Variants in ABHD2 observed in about 807,000 individuals in gnomAD.
ABHD2 encodes abhydrolase domain containing 2, acylglycerol lipase.
In ABHD2, 20 loss-of-function variants were observed where a neutral mutation model predicts 48.1. The observed-to-expected ratio is 0.42, with a 90% confidence interval of 0.29 to 0.60. The LOEUF (loss-of-function observed/expected upper bound fraction) is 0.60. Ranked by LOEUF, ABHD2 falls within the 20% of genes least tolerant of loss-of-function variation. The pLI is 0.24. For synonymous variants in ABHD2, 209 were observed against 214.2 expected, an observed-to-expected ratio of 0.98 and a Z score of 0.21; for missense variants, 405 against 550.9, an observed-to-expected ratio of 0.74 and a Z score of 2.65.
chr15:89,062,461 G>C, the ABHD2 span, among the ~76,000 whole-genome samples: 1 of 151,912 alleles, frequency 6.6e-6, no homozygotes. Context: ...CTTGGCTCAC[G>C]GTAGCCTTGA....
chr15:89,057,134 G>T, the ABHD2 span, among the ~76,000 whole-genome samples: 1 of 152,016 alleles, frequency 6.6e-6, no homozygotes, highest in Non-Finnish European at 1.5e-5. Flanking sequence ...GGCTGGTCTT[G>T]AACTCCTGAC....
chr15:89,139,799 G>A (rs987495882), intron 3 of ABHD2, among the ~76,000 whole-genome samples: 1 of 152,096 alleles, frequency 6.6e-6, no homozygotes, highest in African/African-American at 2.4e-5. Flanking sequence ...AGAGTGGAGG[G>A]CCTGTGAAGA....
rs536172937 is a variant in ABHD2 at position 89,168,309 on chromosome 15, G to A, written c.539-7503G>A. On this transcript the variant is annotated intron_variant, in intron 5 of 10. Transcript: ENST00000352732. The surrounding 1 kb of genome is among the most constrained non-coding windows in gnomAD (Gnocchi z 4.8). ...CAGATTTCATCTTACTTTAAAAAGC[G>A]GCAGCAAGATTATATAGTTACCTAG... 4.6e-4 allele frequency among the ~76,000 whole-genome samples: 70 copies of A among 152,280 alleles called. No homozygotes were observed. Among genetic ancestry groups the A allele is most frequent in the African/African-American group, 1.1e-3 (45 of 41,556 alleles).
rs1253996835 is a variant in ABHD2, at chr15:89,094,962, G to A, written c.-107+6399G>A. Among the ~76,000 whole-genome samples, 1 of 148,750 alleles carries A rather than the reference G, an allele frequency of 6.7e-6. No homozygotes were observed. Among genetic ancestry groups the A allele is most frequent in the African/African-American group, 2.5e-5 (1 of 40,046 alleles). On this transcript the variant is annotated intron_variant, in intron 1 of 10. Transcript: ENST00000352732. This position sits in a 1 kb window ranked among gnomAD's most constrained non-coding sequence, Gnocchi z 4.7. ...ACTCAGAATCCCAGCTACTCGGGAA[G>A]CTGAAGCAGGAGAATCACTTGAACC... is the stretch of plus-strand genomic sequence containing the variant.
chr15:89,072,922 A>G, the ABHD2 span, among the ~76,000 whole-genome samples: 1 of 152,214 alleles, frequency 6.6e-6, no homozygotes, highest in Admixed American at 6.5e-5. Context: ...TAAATTGATC[A>G]TATTAATAAA....
rs889200333 is a variant in ABHD2, at chr15:89,128,817, G to A, written c.194+12296G>A. Among the ~76,000 whole-genome samples the A allele has an allele frequency of 7.9e-5, 12 of 152,164 alleles. No homozygotes were observed. The South Asian group carries it at 2.1e-3, about 26-fold the overall frequency. ...GGGGAGGAAGAGGAGATCAGATCAC[G>A]AGGAGTCTCTAATTCCCAGAGAGGA... On this transcript the variant is annotated intron_variant, in intron 3 of 10. Transcript: ENST00000352732.
the ABHD2 span, among the ~76,000 whole-genome samples, chr15:89,056,908 C>CGTTT: frequency 6.9e-5 from 6 of 87,456 alleles, no homozygotes; most frequent in Non-Finnish European, 1.0e-4. Flanking sequence ...TAAGTGATAC[C>CGTTT]TTTTTTTTTT....
the ABHD2 span, among the ~76,000 whole-genome samples, chr15:89,059,309 C>G: frequency 6.6e-6 from 1 of 152,324 alleles, no homozygotes; most frequent in South Asian, 2.1e-4. Context: ...TTCGCTGTGG[C>G]TAGACAAGCT....
intron 3 of ABHD2, among the ~76,000 whole-genome samples, chr15:89,150,107 A>G (rs2050567031): frequency 6.6e-6 from 1 of 152,328 alleles, no homozygotes; most frequent in Admixed American, 6.5e-5. Context: ...ATTTTCTGAG[A>G]TTATATTGTA....
chr15:89,149,882 G>C (rs1013022395), intron 3 of ABHD2, among the ~76,000 whole-genome samples: 1 of 152,208 alleles, frequency 6.6e-6, no homozygotes, highest in Non-Finnish European at 1.5e-5. Flanking sequence ...AGGCTTGTGT[G>C]TTGAGATCAC....
At chr15:89,153,659 A>G (rs1199000034) in intron 4 of ABHD2, among the ~76,000 whole-genome samples, 1 of 152,238 alleles carries the variant, frequency 6.6e-6, no homozygotes, top group Non-Finnish European at 1.5e-5. Context: ...TACTTTAAGA[A>G]AAACAGCTCT....
chr15:89,129,207 G>A (rs536237330), intron 3 of ABHD2, among the ~76,000 whole-genome samples: 2 of 152,064 alleles, frequency 1.3e-5, no homozygotes, highest in Admixed American at 6.6e-5. Context: ...GGGAGGTTGT[G>A]GGGGTGGGCA....
In ABHD2 at chr15:89,092,287, G is replaced by A. The variant is rs919549773; in HGVS notation, c.-107+3724G>A. 1.3e-5 allele frequency among the ~76,000 whole-genome samples: 2 copies of A among 152,028 alleles called. No homozygotes were observed. The highest frequency in any genetic ancestry group is 4.8e-5 in the African/African-American group (2 of 41,382). ...CAGGTGAAGAGCTTTTTAGAGAAGT[G>A]GAACGTTGGTACCCTTGGATTTGCC... On this transcript the variant is annotated intron_variant, in intron 1 of 10. Coordinates refer to ENST00000352732, the MANE Select transcript of ABHD2 (RefSeq NM_152924.5). The surrounding 1 kb of genome is among the most constrained non-coding windows in gnomAD (Gnocchi z 4.4).
Position 89,163,568 on chromosome 15 carries a change from A to G in ABHD2, c.538+8034A>G, listed in dbSNP as rs115197540. Among the ~76,000 whole-genome samples the G allele has an allele frequency of 3.1e-3, 474 of 152,366 alleles. 2 individuals are homozygous for G. The highest frequency in any genetic ancestry group is 0.011 in the African/African-American group (449 of 41,596). On this transcript the variant is annotated intron_variant, in intron 5 of 10. Coordinates refer to ENST00000352732, the MANE Select transcript of ABHD2 (RefSeq NM_152924.5). The stretch of plus-strand genomic sequence containing the variant: ...GAGTCATGTGACTAGTGAGTGGCAG[A>G]ACCAGCCTTCAATCAATGTGATTCT...
chr15:89,058,600 G>C, the ABHD2 span, among the ~76,000 whole-genome samples: 1 of 152,116 alleles, frequency 6.6e-6, no homozygotes, highest in East Asian at 1.9e-4. Flanking sequence ...GACAAGGAGA[G>C]ATGACATCCT....
At chr15:89,103,918 T>C (rs1460949131) in intron 1 of ABHD2, 1 of 152,214 alleles carries the variant, frequency 6.6e-6, no homozygotes, top group Non-Finnish European at 1.5e-5. Flanking sequence ...GATGAATCCT[T>C]CATATTTATC....
intron 3 of ABHD2, chr15:89,135,840 G>C (rs2050300337): frequency 1.3e-6 from 1 of 749,992 alleles, no homozygotes; most frequent in Non-Finnish European, 2.5e-6. Context: ...TGATATTTGG[G>C]CGATACTCAG....
chr15:89,046,849 C>T, the ABHD2 span, among the ~76,000 whole-genome samples: 8 of 152,142 alleles, frequency 5.3e-5, no homozygotes, highest in Admixed American at 5.2e-4. Flanking sequence ...AAAAAACCAG[C>T]TCCTGGATTC....
the ABHD2 span, among the ~76,000 whole-genome samples, chr15:89,066,896 G>C: frequency 6.6e-6 from 1 of 152,234 alleles, no homozygotes; most frequent in Non-Finnish European, 1.5e-5. Context: ...CCTTTCTCCA[G>C]ATGCCATGAA....
Sources: allele counts gnomAD v4.1 joint callset (sites outside exome capture counted in the v4.1 genomes callset), GRCh38; gene constraint gnomAD v4.1.1; non-coding constraint Gnocchi (gnomAD v3.1); transcripts MANE v1.5; gene names NCBI Gene and HGNC (gene_info 2026-07-23, HGNC 2026-07-21).